RBFOX1: variants seen among roughly 807,000 people sequenced by gnomAD.
RBFOX1 encodes RNA binding protein fox-1 homolog 1.
A neutral mutation model predicts 57.7 loss-of-function variants in RBFOX1; 8 were observed. That is an observed-to-expected ratio of 0.14 (90% CI 0.08 to 0.25). RBFOX1 has a LOEUF of 0.25. Among genes scored for constraint, RBFOX1 ranks in the 10% least tolerant of loss-of-function variants. RBFOX1 has a pLI of 1.00. For synonymous variants in RBFOX1, 326 were observed against 222.4 expected, an observed-to-expected ratio of 1.47 and a Z score of -4.15; for missense variants, 611 against 548.5, an observed-to-expected ratio of 1.11 and a Z score of -1.14.
intron 1 of RBFOX1, among the ~76,000 whole-genome samples, chr16:6,271,889 A>G (rs1459171780): frequency 6.6e-6 from 1 of 152,164 alleles, no homozygotes; most frequent in Non-Finnish European, 1.5e-5. Context: ...CATTAACACC[A>G]AGTCCATATA....
rs551811875 is a variant in RBFOX1, at chr16:5,744,905, G to A, written c.319-122398G>A. The stretch of plus-strand genomic sequence containing the variant: ...TCTCTCTCCGACCGCCCAAAGTAGC[G>A]GGGATTACAGGCATGCACTGCCACG... On this transcript the variant is annotated intron_variant, in intron 3 of 19. Coordinates refer to the RBFOX1 transcript ENST00000641259. 1.7e-3 allele frequency among the ~76,000 whole-genome samples: 262 copies of A among 152,168 alleles called. 2 individuals carry two copies. The highest frequency in any genetic ancestry group is 6.2e-3 in the African/African-American group (258 of 41,520).
chr16:6,291,952 T>C (rs2077511741), intron 1 of RBFOX1, among the ~76,000 whole-genome samples: 1 of 141,264 alleles, frequency 7.1e-6, no homozygotes, highest in Admixed American at 6.8e-5. Flanking sequence ...GGAATGAATG[T>C]GTGTGTGTGT....
At chr16:5,674,664 T>TTGCCCTTCTTTAG (rs2050113035) in intron 3 of RBFOX1, among the ~76,000 whole-genome samples, 1 of 152,204 alleles carries the variant, frequency 6.6e-6, no homozygotes, top group African/African-American at 2.4e-5. Flanking sequence ...TTAATTATTT[T>TTGCCCTTCTTTAG]TGCACCAACC....
At chr16:7,027,338 C>A (rs530275467) in intron 3 of RBFOX1, among the ~76,000 whole-genome samples, 3 of 152,166 alleles carry the variant, frequency 2.0e-5, no homozygotes, top group Non-Finnish European at 4.4e-5. Flanking sequence ...AATTTTGTCT[C>A]TGTGCCAGGA....
intron 3 of RBFOX1, among the ~76,000 whole-genome samples, chr16:6,783,670 G>A (rs2081418909): frequency 1.3e-5 from 2 of 151,898 alleles, no homozygotes; most frequent in African/African-American, 4.8e-5. Context: ...AAAGATATGA[G>A]GGCTTTACAT....
intron 2 of RBFOX1, among the ~76,000 whole-genome samples, chr16:5,566,044 T>C (rs2046056044): frequency 6.6e-6 from 1 of 152,174 alleles, no homozygotes; most frequent in Non-Finnish European, 1.5e-5. Context: ...TTCATTCTCT[T>C]TGCCATATGA....
chr16:6,056,567 T>C (rs117604693), intron 1 of RBFOX1, among the ~76,000 whole-genome samples: 1,587 of 152,320 alleles, frequency 0.01, 8 homozygotes, highest in Non-Finnish European at 0.018. Flanking sequence ...CCTCATTCCT[T>C]TTTTATTTCT....
intron 2 of RBFOX1, among the ~76,000 whole-genome samples, chr16:6,562,231 T>C (rs1256925903): frequency 1.3e-5 from 2 of 152,216 alleles, no homozygotes; most frequent in East Asian, 1.9e-4. Context: ...GTATCAGTGA[T>C]TTAACCACTT....
At chr16:7,366,363 C>T (rs74564272) in intron 4 of RBFOX1, among the ~76,000 whole-genome samples, 2 of 152,294 alleles carry the variant, frequency 1.3e-5, no homozygotes, top group East Asian at 1.9e-4. Flanking sequence ...AGAGAGGAAA[C>T]GAAGGCTGTG....
At chr16:6,232,872 A>G (rs1468483996) in intron 1 of RBFOX1, among the ~76,000 whole-genome samples, 1 of 152,170 alleles carries the variant, frequency 6.6e-6, no homozygotes. Flanking sequence ...CAACTTCTGC[A>G]CATGTAGCAT....
intron 4 of RBFOX1, among the ~76,000 whole-genome samples, chr16:7,097,956 A>G (rs895546276): frequency 2.0e-5 from 3 of 152,330 alleles, no homozygotes; most frequent in Middle Eastern, 3.4e-3. Flanking sequence ...AATACAAAAC[A>G]GTTTAATAAT....
intron 3 of RBFOX1, among the ~76,000 whole-genome samples, chr16:5,635,862 T>G (rs1185250710): frequency 1.3e-5 from 2 of 152,208 alleles, no homozygotes; most frequent in East Asian, 1.9e-4. Context: ...CATTCATTTT[T>G]CGTGTTATAG....
chr16:6,008,091 G>C (rs1350434687), intron 4 of RBFOX1, among the ~76,000 whole-genome samples: 1 of 152,154 alleles, frequency 6.6e-6, no homozygotes, highest in Non-Finnish European at 1.5e-5. Flanking sequence ...TGTAGTCCCA[G>C]CTACTCAGGA....
intron 3 of RBFOX1, among the ~76,000 whole-genome samples, chr16:6,854,915 C>G (rs765296905): frequency 2.0e-5 from 3 of 151,602 alleles, no homozygotes; most frequent in Admixed American, 6.6e-5. Context: ...TTTTTTTATT[C>G]TGGTTTCTAT....
At chr16:6,082,557 GC>G (rs1003935516) in intron 1 of RBFOX1, among the ~76,000 whole-genome samples, 1 of 151,464 alleles carries the variant, frequency 6.6e-6, no homozygotes, top group Admixed American at 6.6e-5. Context: ...TTCAAATAGG[GC>G]TAAGGGCTAA....
chr16:6,216,291 A>T (rs537596359), intron 1 of RBFOX1, among the ~76,000 whole-genome samples: 286 of 152,268 alleles, frequency 1.9e-3, no homozygotes, highest in African/African-American at 6.7e-3. Context: ...ATAAAAGTAT[A>T]AAAACCCCAT....
At chr16:6,023,664 C>T (rs1292596025) in intron 1 of RBFOX1, among the ~76,000 whole-genome samples, 2 of 152,198 alleles carry the variant, frequency 1.3e-5, no homozygotes, top group Non-Finnish European at 2.9e-5. Context: ...GGACAGAGGG[C>T]AGCTCGTCCT....
chr16:7,407,374 GT>G lies in RBFOX1; in HGVS notation c.28-110772del, dbSNP rs2098362067. On this transcript the variant is annotated intron_variant, in intron 4 of 15. Coordinates refer to ENST00000550418, the MANE Select transcript of RBFOX1 (RefSeq NM_018723.4). ...TTTTGACTTCAAGGGATTTGTATGG[GT>G]GTGTGTGTGTGTGTGTGTGTGTGTG... Among the ~76,000 whole-genome samples, 104 of 8,854 alleles carry G rather than the reference GT, an allele frequency of 0.012. No individual in the cohort carries two copies. The Middle Eastern group carries it at 0.19, about 16-fold the overall frequency. 5.8% of individuals were successfully genotyped at this position (8,854 alleles called of 152,430 possible). A position where few individuals can be genotyped will look rare whatever the true frequency, so the allele number is the denominator to read the frequency against.
chr16:7,467,270 A>G (rs1264671407), intron 4 of RBFOX1, among the ~76,000 whole-genome samples: 1 of 152,172 alleles, frequency 6.6e-6, no homozygotes, highest in Non-Finnish European at 1.5e-5. Context: ...ATAGGGAACA[A>G]GTGCTAAAGA....
Sources: gnomAD v4.1 joint callset for allele counts (sites outside exome capture counted in the v4.1 genomes callset) on GRCh38, gnomAD v4.1.1 for gene constraint, MANE v1.5 for transcripts, NCBI Gene and HGNC (gene_info 2026-07-23, HGNC 2026-07-21) for gene names.